P4HA3: variants seen among roughly 807,000 people sequenced by gnomAD.
The protein encoded by P4HA3 is prolyl 4-hydroxylase subunit alpha 3.
In P4HA3, 60 loss-of-function variants were observed where a neutral mutation model predicts 66.7. That is an observed-to-expected ratio of 0.90 (90% CI 0.73 to 1.12). The LOEUF is 1.12. Ranked by LOEUF, P4HA3 falls within the 50% of genes most tolerant of loss-of-function variation. The pLI, the probability that P4HA3 is intolerant of heterozygous loss-of-function variation, is 0.00. For synonymous variants in P4HA3, 263 were observed against 274.6 expected (o/e 0.96, Z 0.42); for missense variants, 683 against 685.8 (o/e 1.00, Z 0.05).
intron 15 of P4HA3, chr11:74,251,464 G>A: frequency 4.2e-6 from 6 of 1,428,782 alleles, no homozygotes; most frequent in South Asian, 1.6e-5. Flanking sequence ...CCCTGGCAAG[G>A]ATAGTGGGGA....
chr11:74,289,780 A>C (rs895219699), intron 4 of P4HA3, among the ~76,000 whole-genome samples: 51 of 151,702 alleles, frequency 3.4e-4, no homozygotes, highest in Non-Finnish European at 5.7e-4. Context: ...TGAACTCATC[A>C]TTTTTTATGG....
Position 74,284,252 on chromosome 11 carries a change from T to A in P4HA3, c.1110+1557A>T, listed in dbSNP as rs1591108892. Among the ~76,000 whole-genome samples the A allele has an allele frequency of 2.0e-5, 3 of 152,362 alleles. No individual in the cohort carries two copies. The East Asian group carries it at 5.8e-4, about 29-fold the overall frequency. ...CTTCCCATTGACATCCAGCTTGGCTTGGTGACTTGCAGTGCTTTCCCTGTG... is the reference window on the plus strand; with the variant it reads ...CTTCCCATTGACATCCAGCTTGGCTAGGTGACTTGCAGTGCTTTCCCTGTG... On this transcript the variant is annotated intron_variant, in intron 7 of 12. Transcript: ENST00000331597.
intron 3 of P4HA3, among the ~76,000 whole-genome samples, chr11:74,299,667 GAAA>G (rs61624292): frequency 1.7e-4 from 18 of 105,784 alleles, no homozygotes; most frequent in South Asian, 6.1e-4. Flanking sequence ...ATATTTTCAA[GAAA>G]AAAAAAAAAA....
At chr11:74,255,727 A>G (rs1450752647) in intron 15 of P4HA3, among the ~76,000 whole-genome samples, 1 of 152,228 alleles carries the variant, frequency 6.6e-6, no homozygotes, top group Non-Finnish European at 1.5e-5. Context: ...TAGCATCAGT[A>G]TCTCTTGGAA....
intron 4 of P4HA3, among the ~76,000 whole-genome samples, chr11:74,295,324 T>G (rs911485162): frequency 1.3e-5 from 2 of 152,140 alleles, no homozygotes; most frequent in African/African-American, 4.8e-5. Flanking sequence ...CCATTCAACC[T>G]TGGGCTCAAC....
chr11:74,272,420 C>G (rs997447194), intron 10 of P4HA3, among the ~76,000 whole-genome samples: 4 of 152,146 alleles, frequency 2.6e-5, no homozygotes, highest in African/African-American at 9.7e-5. Flanking sequence ...CCGTTTGTGA[C>G]CTCCCATAAC....
rs1053610500 is a variant in P4HA3, at chr11:74,267,118, G to A, written c.*130C>T. The stretch of plus-strand genomic sequence containing the variant: ...AACCTCTCCCTTGCCTCTGATTTGC[G>A]AGGCACAGACAAAGCTGACAAGGCC... On this transcript the variant is annotated 3_prime_UTR_variant, in exon 13 of 13. Coordinates refer to ENST00000331597, the MANE Select transcript of P4HA3 (RefSeq NM_182904.5). The A allele has an allele frequency of 7.1e-6, 11 of 1,551,178 alleles. No homozygotes were observed. The highest frequency in any genetic ancestry group is 9.5e-6 in the Non-Finnish European group (11 of 1,152,338).
intron 4 of P4HA3, among the ~76,000 whole-genome samples, chr11:74,297,550 C>A (rs896071504): frequency 6.6e-6 from 1 of 152,188 alleles, no homozygotes; most frequent in Non-Finnish European, 1.5e-5. Context: ...AAAGCTATAC[C>A]TTACCCAGTT....
Position 74,311,455 on chromosome 11 carries a change from G to A in P4HA3, c.157C>T (p.Arg53Trp), listed in dbSNP as rs1252859918. The change falls in exon 1 of 13, where the codon CGG (arginine) becomes TGG (tryptophan). Residue 53 changes from arginine to tryptophan, a missense_variant. Transcript: ENST00000331597. Reference sequence around the variant, plus strand: ...CGCGCCTCCTCCCCGCGCAGGTACCGCCTCAGCAGCCCCAGCAGCCGGCGC... The same window carrying A: ...CGCGCCTCCTCCCCGCGCAGGTACCACCTCAGCAGCCCCAGCAGCCGGCGC... ...PERRLLGLLR[R>W]YLRGEEARLR... is the part of the protein sequence containing the mutation. The A allele has an allele frequency of 1.3e-6, 2 of 1,538,606 alleles. No individual in the cohort carries two copies. The highest frequency in any genetic ancestry group is 8.7e-7 in the Non-Finnish European group (1 of 1,149,798).
chr11:74,251,069 G>A (rs1859646299), intron 15 of P4HA3: 1 of 1,553,808 alleles, frequency 6.4e-7, no homozygotes, highest in Admixed American at 1.9e-5. Context: ...GAATAACCCT[G>A]GATGTCACAG....
At chr11:74,311,110 G>A (rs1324790256) in intron 1 of P4HA3, among the ~76,000 whole-genome samples, 2 of 152,038 alleles carry the variant, frequency 1.3e-5, no homozygotes, top group Non-Finnish European at 2.9e-5. Flanking sequence ...GATATGGGGG[G>A]TGCCACTATG....
intron 9 of P4HA3, among the ~76,000 whole-genome samples, chr11:74,274,672 A>C (rs1860333871): frequency 6.6e-6 from 1 of 152,178 alleles, no homozygotes; most frequent in South Asian, 2.1e-4. Context: ...ATGTTTGTAG[A>C]GACATATTTT....
chr11:74,258,659 AAGGAG>A (rs1159162734), intron 15 of P4HA3, among the ~76,000 whole-genome samples: 2 of 152,036 alleles, frequency 1.3e-5, no homozygotes, highest in Non-Finnish European at 2.9e-5. Flanking sequence ...ACCATAGCAG[AAGGAG>A]AGGAGGGGTG....
chr11:74,275,506 G>A (rs999293991), intron 9 of P4HA3, among the ~76,000 whole-genome samples: 2 of 152,210 alleles, frequency 1.3e-5, no homozygotes, highest in African/African-American at 4.8e-5. Context: ...TTTGTTTCTG[G>A]ACTCTGTTCT....
chr11:74,272,167 T>G (rs1489521181), intron 10 of P4HA3, among the ~76,000 whole-genome samples: 1 of 152,082 alleles, frequency 6.6e-6, no homozygotes, highest in African/African-American at 2.4e-5. Context: ...AAAACCCAAA[T>G]GCACATGCAT....
chr11:74,264,655 G>A (rs79023749), downstream of P4HA3, among the ~76,000 whole-genome samples: 2,035 of 152,254 alleles, frequency 0.013, 47 homozygotes, highest in African/African-American at 0.044. Flanking sequence ...AACAAATGAG[G>A]CTTTCTCAAC....
intron 15 of P4HA3, chr11:74,253,404 A>G: frequency 7.2e-7 from 1 of 1,385,020 alleles, no homozygotes. Flanking sequence ...GGTGGTCATT[A>G]GGGAGGGCTT....
chr11:74,279,368 C>T lies in P4HA3; in HGVS notation c.1175+20G>A, dbSNP rs753698106. The T allele has an allele frequency of 1.1e-5, 17 of 1,612,500 alleles. 1 individual carries two copies. The South Asian group carries it at 1.9e-4, about 18-fold the overall frequency. ...CCCGAGGGTGGGCAGCAGGTATGAC[C>T]AAGGAAGGGCCCTTCTTACCTTTTG... On this transcript the variant is annotated intron_variant, in intron 8 of 12. Transcript: ENST00000331597.
At chr11:74,278,353 A>G (rs486577) in intron 8 of P4HA3, among the ~76,000 whole-genome samples, 95,727 of 152,052 alleles carry the variant, frequency 0.63, 31,996 homozygotes, top group African/African-American at 0.88. Flanking sequence ...AGGGCATGAC[A>G]TAGAAAACTG....
Sources: gnomAD v4.1 joint callset for allele counts (sites outside exome capture counted in the v4.1 genomes callset) on GRCh38, gnomAD v4.1.1 for gene constraint, MANE v1.5 for transcripts, NCBI Gene and HGNC (gene_info 2026-07-23, HGNC 2026-07-21) for gene names.